The following KCNT1 variants were observed in gnomAD, a reference collection of about 807,000 sequenced individuals.
KCNT1 encodes potassium channel subfamily T member 1.
In KCNT1, 78 loss-of-function variants were observed where a neutral mutation model predicts 147.8. That is an observed-to-expected ratio of 0.53 (90% CI 0.44 to 0.64). The LOEUF is 0.64. Ranked by LOEUF, KCNT1 falls within the 30% of genes least tolerant of loss-of-function variation. The probability of loss-of-function intolerance (pLI) is 0.00; values close to 1 mark genes in which losing one functional copy is unlikely to be tolerated. For synonymous variants in KCNT1, 867 were observed against 748.8 expected (o/e 1.16, Z -2.58); for missense variants, 1,419 against 1,750.3 (o/e 0.81, Z 3.38).
intron 13 of KCNT1, among the ~76,000 whole-genome samples, chr9:135,766,424 G>A (rs2131482781): frequency 6.6e-6 from 1 of 152,074 alleles, no homozygotes; most frequent in East Asian, 1.9e-4. Context: ...CATCTAGGGT[G>A]GACCATCTGG....
At chr9:135,751,590 G>C (rs923144451) in intron 4 of KCNT1, among the ~76,000 whole-genome samples, 9 of 152,300 alleles carry the variant, frequency 5.9e-5, no homozygotes, top group Non-Finnish European at 1.0e-4. Flanking sequence ...ATGAGGGTGG[G>C]TGGGAACTTG....
intron 19 of KCNT1, among the ~76,000 whole-genome samples, chr9:135,774,640 GTGTC>G (rs1378401088): frequency 2.0e-5 from 3 of 152,062 alleles, no homozygotes; most frequent in East Asian, 1.9e-4. Context: ...TGTGTGTTGT[GTGTC>G]TGGGTGTGTG....
chr9:135,751,124 G>A (rs561758696), intron 4 of KCNT1, 83 bp downstream of exon 4: 46 of 1,265,990 alleles, frequency 3.6e-5, no homozygotes, highest in African/African-American at 2.3e-4. Context: ...AGCTGATGGC[G>A]TCCCTGGGGG....
intron 15 of KCNT1, among the ~76,000 whole-genome samples, chr9:135,769,196 G>T (rs59067545): frequency 1.5e-4 from 20 of 129,548 alleles, no homozygotes; most frequent in African/African-American, 3.1e-4. Context: ...TGCACACGTG[G>T]GTGACAGTGC....
chr9:135,778,678 C>T lies in KCNT1; in HGVS notation c.2595-10C>T. On this transcript the variant is annotated splice_polypyrimidine_tract_variant and intron_variant, in intron 22 of 30. Transcript: ENST00000371757. Reference sequence around the variant, plus strand: ...CATCCTCAGCCACGGGCCCTCGGTCCCGCCACCAGCCTGGACAGCCTGCTG... The same window carrying T: ...CATCCTCAGCCACGGGCCCTCGGTCTCGCCACCAGCCTGGACAGCCTGCTG... The T allele has an allele frequency of 6.2e-7, 1 of 1,610,852 alleles. No homozygotes were observed. The highest frequency in any genetic ancestry group is 8.5e-7 in the Non-Finnish European group (1 of 1,179,030).
chr9:135,747,968 G>T (rs1235072240), intron 2 of KCNT1, among the ~76,000 whole-genome samples: 1 of 152,104 alleles, frequency 6.6e-6, no homozygotes, highest in South Asian at 2.1e-4. Context: ...TTGAGACAGG[G>T]CCTCGCTCTG....
rs771284979 is a variant in KCNT1, at chr9:135,777,443, G to A, written c.2455G>A (p.Val819Met). Residue 819 changes from valine (V) to methionine (M), a missense_variant, in exon 21 of 31, where the codon GTG becomes ATG. Val to Met is a conservative substitution (Grantham distance 21). This residue lies in a region of KCNT1 where 247 missense variants were observed against 397.1 expected (regional missense o/e 0.62). Transcript: ENST00000371757. ...CGGCAATGGGCTGTACAACTTCATC[G>A]TGCCACTGCGGGCCTACTACAGATC... ...TAGNGLYNFI[V>M]PLRAYYRSRK... 10 of 1,613,934 alleles carry A rather than the reference G, an allele frequency of 6.2e-6. No homozygotes were observed. Among genetic ancestry groups the A allele is most frequent in the South Asian group, 1.1e-5 (1 of 91,090 alleles).
chr9:135,785,313 C>T lies in KCNT1; in HGVS notation c.3160C>T (p.His1054Tyr). Residue 1054 changes from histidine to tyrosine, a missense_variant, in exon 28 of 31, where the codon CAC (histidine) becomes TAC (tyrosine). By Grantham distance (83) the His-to-Tyr change is moderately conservative (BLOSUM62 2). Around this residue, in one of 5 missense-constraint regions of KCNT1, gnomAD observed 306 missense variants for 294.2 expected, o/e 1.04. Coordinates refer to ENST00000371757, the MANE Select transcript of KCNT1 (RefSeq NM_020822.3). ...ESHVFSTSEP[H>Y]DLRAQSQISV... ...ACTGCGCCTGTTTCCTTTGCAGCCC[C>T]ACGACCTCAGAGCCCAGGTAAGCAA... The T allele has an allele frequency of 6.2e-7, 1 of 1,613,038 alleles. No individual in the cohort carries two copies. Among genetic ancestry groups the T allele is most frequent in the Non-Finnish European group, 8.5e-7 (1 of 1,179,932 alleles).
chr9:135,739,450 C>A (rs139405299), intron 2 of KCNT1, among the ~76,000 whole-genome samples: 1 of 152,012 alleles, frequency 6.6e-6, no homozygotes, highest in Non-Finnish European at 1.5e-5. Flanking sequence ...CCCCCGACCC[C>A]GGACACCCTT....
intron 2 of KCNT1, among the ~76,000 whole-genome samples, chr9:135,729,176 G>A (rs910188255): frequency 1.3e-5 from 2 of 152,242 alleles, no homozygotes; most frequent in South Asian, 2.1e-4. Context: ...GCGATTATCC[G>A]AGTGGGCTGC....
chr9:135,789,373 G>C (rs1160149439), intron 29 of KCNT1: 2 of 152,364 alleles, frequency 1.3e-5, no homozygotes, highest in East Asian at 3.9e-4. Context: ...CCTAGGCCAA[G>C]AGGCAGAACA....
At chr9:135,772,297 G>C (rs1832812874) in intron 18 of KCNT1, among the ~76,000 whole-genome samples, 1 of 152,174 alleles carries the variant, frequency 6.6e-6, no homozygotes, top group African/African-American at 2.4e-5. Flanking sequence ...GGGTGGTGCA[G>C]GAGTGGCAGA....
At chr9:135,759,904 C>T (rs1386454292) in intron 11 of KCNT1, 45 bp downstream of exon 11, 5 of 1,525,146 alleles carry the variant, frequency 3.3e-6, no homozygotes, top group Admixed American at 1.9e-5. Context: ...AGCAAAGGGA[C>T]AGGCGGGTGC....
intron 24 of KCNT1, among the ~76,000 whole-genome samples, chr9:135,780,259 C>CAA (rs1833512124): frequency 2.0e-5 from 3 of 152,252 alleles, no homozygotes; most frequent in East Asian, 1.9e-4. Context: ...AGCAGCAATG[C>CAA]TGTCTGCTCT....
intron 2 of KCNT1, among the ~76,000 whole-genome samples, chr9:135,736,225 G>A (rs1390359504): frequency 6.6e-6 from 1 of 152,164 alleles, no homozygotes; most frequent in Non-Finnish European, 1.5e-5. Context: ...AGCTTGGGCA[G>A]GCCATCCTGA....
chr9:135,756,618 C>A (rs1369730499), intron 6 of KCNT1, among the ~76,000 whole-genome samples: 1 of 152,148 alleles, frequency 6.6e-6, no homozygotes, highest in Non-Finnish European at 1.5e-5. Context: ...ACCCACTGCA[C>A]CCTCCATCCC....
At chr9:135,750,846 G>GGGCCATCCAGAGA in intron 3 of KCNT1, 96 bp from the exon 4 acceptor site, 1 of 1,106,492 alleles carries the variant, frequency 9.0e-7, no homozygotes, top group South Asian at 1.3e-5. Flanking sequence ...AGCCCAGCTG[G>GGGCCATCCAGAGA]GGCCATCCAG....
chr9:135,735,817 G>A (rs1830315171), intron 2 of KCNT1, among the ~76,000 whole-genome samples: 1 of 152,204 alleles, frequency 6.6e-6, no homozygotes, highest in Admixed American at 6.5e-5. Context: ...GCATCTGACA[G>A]CCTCCTGCCT....
Position 135,732,022 on chromosome 9 carries a change from A to AGAGAGAGAGAGAGAGAGAGG in KCNT1, c.254+17306_254+17325dup, listed in dbSNP as rs1564328275. Among the ~76,000 whole-genome samples the AGAGAGAGAGAGAGAGAGAGG allele has an allele frequency of 7.7e-5, 10 of 129,420 alleles. 1 individual carries two copies. Among genetic ancestry groups the AGAGAGAGAGAGAGAGAGAGG allele is most frequent in the African/African-American group, 2.3e-4 (8 of 34,194 alleles). The allele number at this position is 129,420 out of a possible 152,430, so 84.9% of individuals were successfully genotyped here. A position where few individuals can be genotyped will look rare whatever the true frequency, so the allele number is the denominator to read the frequency against. ...GAGAGAGAGAGAGAGAGAGAGAGAG[A>AGAGAGAGAGAGAGAGAGAGG]GAGAGAGAGAGAGAGAGAGGGAGTC... is the stretch of plus-strand genomic sequence containing the variant. On this transcript the variant is annotated intron_variant, in intron 2 of 30. Transcript: ENST00000371757.
Sources: gnomAD v4.1 joint callset for allele counts (sites outside exome capture counted in the v4.1 genomes callset) on GRCh38, gnomAD v4.1.1 for gene constraint, gnomAD v4.1.1 regional missense constraint, MANE v1.5 for transcripts, NCBI Gene and HGNC (gene_info 2026-07-23, HGNC 2026-07-21) for gene names.